JPH1: variants seen among roughly 807,000 people sequenced by gnomAD.
JPH1 encodes junctophilin-1.
Under a neutral mutation model 53.6 loss-of-function variants are expected in JPH1, and 12 were observed. That is an observed-to-expected ratio of 0.22 (90% CI 0.14 to 0.36). JPH1 has a LOEUF of 0.36. Among genes scored for constraint, JPH1 ranks in the 10% least tolerant of loss-of-function variants. The probability of loss-of-function intolerance (pLI) is 1.00; values close to 1 mark genes in which losing one functional copy is unlikely to be tolerated. For synonymous variants in JPH1, 375 were observed against 363.8 expected, an observed-to-expected ratio of 1.03 and a Z score of -0.35; for missense variants, 808 against 905.5, an observed-to-expected ratio of 0.89 and a Z score of 1.38.
At chr8:74,285,551 T>G (rs1013880306) in intron 2 of JPH1, among the ~76,000 whole-genome samples, 2 of 152,182 alleles carry the variant, frequency 1.3e-5, no homozygotes, top group African/African-American at 4.8e-5. Flanking sequence ...TTCCTTTTTA[T>G]AAATTTAGTG....
chr8:74,257,022 GTCTA>G (rs1351267285), intron 3 of JPH1, among the ~76,000 whole-genome samples: 2 of 152,190 alleles, frequency 1.3e-5, no homozygotes, highest in African/African-American at 2.4e-5. Flanking sequence ...TTTCGAAAAT[GTCTA>G]TCTGATTTGC....
chr8:74,306,450 A>G (rs1807836694), intron 2 of JPH1, among the ~76,000 whole-genome samples: 1 of 152,256 alleles, frequency 6.6e-6, no homozygotes, highest in East Asian at 1.9e-4. Flanking sequence ...TTGATAAAGA[A>G]GAGAAACATA....
At chr8:74,319,417 C>T (rs907422826) in intron 1 of JPH1, among the ~76,000 whole-genome samples, 1 of 152,298 alleles carries the variant, frequency 6.6e-6, no homozygotes, top group East Asian at 1.9e-4. Context: ...ATATTTACAG[C>T]GCTGTCAACC....
chr8:74,301,483 G>T (rs1807680571), intron 2 of JPH1, among the ~76,000 whole-genome samples: 1 of 152,238 alleles, frequency 6.6e-6, no homozygotes, highest in Non-Finnish European at 1.5e-5. Context: ...GAGGACTAGA[G>T]AATTTTAAGC....
intron 4 of JPH1, 98 bp from the exon 5 acceptor site, chr8:74,237,401 T>A: frequency 1.1e-6 from 1 of 940,336 alleles, no homozygotes; most frequent in Non-Finnish European, 1.7e-6. Context: ...GTTAACATGA[T>A]TGCAGTAAAT....
chr8:74,258,821 T>C (rs752868267), intron 3 of JPH1, among the ~76,000 whole-genome samples: 1 of 152,222 alleles, frequency 6.6e-6, no homozygotes, highest in African/African-American at 2.4e-5. Context: ...GTTGGTCATA[T>C]GTAGAGGGGA....
At chr8:74,272,730 T>C (rs1040194178) in intron 2 of JPH1, among the ~76,000 whole-genome samples, 1 of 151,622 alleles carries the variant, frequency 6.6e-6, no homozygotes, top group African/African-American at 2.4e-5. Context: ...CAGCCTCCCG[T>C]GTAGCTGGGA....
intron 2 of JPH1, among the ~76,000 whole-genome samples, chr8:74,299,477 G>A (rs765248514): frequency 2.2e-4 from 34 of 152,110 alleles, no homozygotes; most frequent in Non-Finnish European, 4.0e-4. Context: ...GATTCGAGCC[G>A]TGTTCAAATA....
intron 3 of JPH1, among the ~76,000 whole-genome samples, chr8:74,249,180 G>T (rs1473873758): frequency 6.6e-6 from 1 of 152,188 alleles, no homozygotes; most frequent in African/African-American, 2.4e-5. Context: ...TCAGAGGTGA[G>T]CCTCGGTGGG....
chr8:74,277,935 C>G (rs1319789711), intron 2 of JPH1, among the ~76,000 whole-genome samples: 1 of 152,068 alleles, frequency 6.6e-6, no homozygotes, highest in African/African-American at 2.4e-5. Context: ...CATAGCTAAC[C>G]AGTGTTGCTT....
chr8:74,291,566 T>C (rs1356352002), intron 2 of JPH1, among the ~76,000 whole-genome samples: 1 of 152,222 alleles, frequency 6.6e-6, no homozygotes, highest in Non-Finnish European at 1.5e-5. Flanking sequence ...GAAGTCGGTG[T>C]GGCGATTCCT....
At position 74,244,753 on chromosome 8, in the gene JPH1, G is replaced by C. The variant is rs776827373; in HGVS notation, c.1681C>G (p.Gln561Glu). The C allele has an allele frequency of 3.1e-6, 5 of 1,614,158 alleles. No individual in the cohort carries two copies. The highest frequency in any genetic ancestry group is 4.2e-6 in the Non-Finnish European group (5 of 1,180,034). ...HGYYVKLNAP[Q>E]HPPVDVEDGD... ...TCCTCCACGTCTACTGGAGGGTGCT[G>C]GGGGGCGTTCAGCTTCACGTAGTAG... The change falls in exon 4 of 6, where the codon CAG (glutamine) becomes GAG (glutamate). Residue 561 changes from glutamine (Q) to glutamate (E), a missense_variant. Physicochemically the swap from Gln to Glu is conservative, Grantham distance 29. This residue lies in a region of JPH1 where 756 missense variants were observed against 811.9 expected (regional missense o/e 0.93). Coordinates refer to ENST00000342232, the MANE Select transcript of JPH1 (RefSeq NM_020647.4).
intron 3 of JPH1, among the ~76,000 whole-genome samples, chr8:74,253,472 A>T (rs1195757960): frequency 6.6e-6 from 1 of 152,164 alleles, no homozygotes; most frequent in Non-Finnish European, 1.5e-5. Flanking sequence ...CTAACATCAC[A>T]ATTAGAAGAA....
chr8:74,268,160 G>A (rs1403541125), intron 2 of JPH1, among the ~76,000 whole-genome samples: 1 of 152,096 alleles, frequency 6.6e-6, no homozygotes, highest in African/African-American at 2.4e-5. Context: ...TACTAACATA[G>A]AGAGGTACTT....
intron 2 of JPH1, among the ~76,000 whole-genome samples, chr8:74,287,671 T>TC (rs1219481153): frequency 1.4e-5 from 2 of 146,064 alleles, no homozygotes; most frequent in Non-Finnish European, 3.0e-5. Flanking sequence ...TCTAGTTTCT[T>TC]TTTTTTTTTT....
Position 74,244,695 on chromosome 8 carries a change from A to C in JPH1, c.1739T>G (p.Leu580Arg), listed in dbSNP as rs1466067953. 11 of 1,614,000 alleles carry C rather than the reference A, an allele frequency of 6.8e-6. No homozygotes were observed. The highest frequency in any genetic ancestry group is 4.2e-6 in the Non-Finnish European group (5 of 1,180,030). ...CTTGTTAGCGGATGGCTTGTGCACCAGTGCTGAGGAAGACTGGCTGGATCC... is the reference window on the plus strand; with the variant it reads ...CTTGTTAGCGGATGGCTTGTGCACCCGTGCTGAGGAAGACTGGCTGGATCC... ...GDGSSQSSSA[L>R]VHKPSANKWS... The change falls in exon 4 of 6, where the codon CTG becomes CGG. Residue 580 changes from leucine (L) to arginine (R), a missense_variant. Physicochemically the swap from Leu to Arg is moderately radical, Grantham distance 102. Around this residue, in one of 2 missense-constraint regions of JPH1, gnomAD observed 756 missense variants for 811.9 expected, o/e 0.93. Transcript: ENST00000342232.
At position 74,320,885 on chromosome 8, in the gene JPH1, C is replaced by G. The variant is rs761996786; in HGVS notation, c.379+24G>C. On this transcript the variant is annotated intron_variant, in intron 1 of 5. Coordinates refer to ENST00000342232, the MANE Select transcript of JPH1 (RefSeq NM_020647.4). This position sits in a 1 kb window ranked among gnomAD's most constrained non-coding sequence, Gnocchi z 4.4. ...CCACCGCACCAGCTCGCGGAGCAGC[C>G]GAGCCGCCCGTTACGCCGCTCACCT... 4 of 1,492,794 alleles carry G rather than the reference C, an allele frequency of 2.7e-6. No individual in the cohort carries two copies. In the African/African-American group the frequency reaches 4.3e-5, roughly 16 times the overall value. 92.5% of individuals were successfully genotyped at this position (1,492,794 alleles called of 1,614,324 possible). A position where few individuals can be genotyped will look rare whatever the true frequency, so the allele number is the denominator to read the frequency against.
At chr8:74,240,428 T>C (rs952775564) in intron 4 of JPH1, among the ~76,000 whole-genome samples, 1 of 152,122 alleles carries the variant, frequency 6.6e-6, no homozygotes, top group African/African-American at 2.4e-5. Flanking sequence ...ATCCAGCCTC[T>C]GGTAACCATC....
intron 3 of JPH1, among the ~76,000 whole-genome samples, chr8:74,254,551 A>G (rs990300377): frequency 2.0e-5 from 3 of 152,108 alleles, no homozygotes; most frequent in African/African-American, 7.3e-5. Context: ...CAGGGCAATC[A>G]GGCAGGAGAA....
Sources: allele counts gnomAD v4.1 joint callset (sites outside exome capture counted in the v4.1 genomes callset), GRCh38; gene constraint gnomAD v4.1.1; regional missense constraint gnomAD v4.1.1; non-coding constraint Gnocchi (gnomAD v3.1); transcripts MANE v1.5; gene names NCBI Gene and HGNC (gene_info 2026-07-23, HGNC 2026-07-21).